B3GNT2: variants seen among roughly 807,000 people sequenced by gnomAD.
B3GNT2 encodes the protein UDP-GlcNAc:betaGal beta-1,3-N-acetylglucosaminyltransferase 2, also known as N-acetyllactosaminide beta-1,3-N-acetylglucosaminyltransferase 2.
B3GNT2 carries 12 observed loss-of-function variants against 27.6 expected under a neutral mutation model. The observed-to-expected ratio is 0.44, with a 90% CI of 0.28 to 0.71. The LOEUF is 0.71. B3GNT2 is among the 30% of genes least tolerant of loss of function. B3GNT2 has a pLI of 0.17. For synonymous variants in B3GNT2, 192 were observed against 189.7 expected (o/e 1.01, Z -0.10); for missense variants, 413 against 488.5 (o/e 0.85, Z 1.46).
chr2:62,210,580 C>CTAA (rs1223265489), intron 1 of B3GNT2, among the ~76,000 whole-genome samples: 1 of 151,694 alleles, frequency 6.6e-6, no homozygotes, highest in Non-Finnish European at 1.5e-5. Flanking sequence ...ACCATCCTGG[C>CTAA]TAATATAGCG....
At chr2:62,221,384 G>GATGC (rs1388129683) in intron 1 of B3GNT2, among the ~76,000 whole-genome samples, 15 of 152,200 alleles carry the variant, frequency 9.9e-5, no homozygotes, top group African/African-American at 3.6e-4. Flanking sequence ...CTCTGTCTGA[G>GATGC]ATGCTCTGTG....
intron 1 of B3GNT2, among the ~76,000 whole-genome samples, chr2:62,202,879 C>G (rs919487104): frequency 2.6e-5 from 4 of 152,196 alleles, no homozygotes; most frequent in African/African-American, 7.2e-5. Flanking sequence ...CCTTCTCCCC[C>G]TCATTTCACT....
At chr2:62,208,209 T>G (rs1215945822) in intron 1 of B3GNT2, among the ~76,000 whole-genome samples, 2 of 148,628 alleles carry the variant, frequency 1.3e-5, no homozygotes, top group Non-Finnish European at 1.5e-5. Flanking sequence ...TCCTCCTTCC[T>G]TCCCCCCTTC....
At chr2:62,196,934 TCCCCACC>T (rs1049587298) in intron 1 of B3GNT2, among the ~76,000 whole-genome samples, 3 of 150,238 alleles carry the variant, frequency 2.0e-5, no homozygotes, top group Admixed American at 6.6e-5. Context: ...CGGCAGCCGC[TCCCCACC>T]CCCCACCCCC....
Position 62,205,625 on chromosome 2 carries a change from C to T in B3GNT2, c.-10+9270C>T, listed in dbSNP as rs150150511. Among the ~76,000 whole-genome samples, 510 of 152,280 alleles carry T rather than the reference C, an allele frequency of 3.3e-3. 2 individuals carry two copies. The highest frequency in any genetic ancestry group is 0.013 in the South Asian group (64 of 4,822). On this transcript the variant is annotated intron_variant, in intron 1 of 1. Coordinates refer to ENST00000301998, the MANE Select transcript of B3GNT2 (RefSeq NM_006577.6). ...TGCCGCCTTGCTCTGAAGTTGCCACCCAGGGTCACACATCACTAGAAGTGT... is the reference window on the plus strand; with the variant it reads ...TGCCGCCTTGCTCTGAAGTTGCCACTCAGGGTCACACATCACTAGAAGTGT...
At chr2:62,221,506 C>A (rs1674691627) in intron 1 of B3GNT2, among the ~76,000 whole-genome samples, 1 of 151,848 alleles carries the variant, frequency 6.6e-6, no homozygotes, top group African/African-American at 2.4e-5. Context: ...AGGGTTGGGA[C>A]TAACATTAAA....
chr2:62,218,249 G>A (rs181483931), intron 1 of B3GNT2, among the ~76,000 whole-genome samples: 2 of 152,342 alleles, frequency 1.3e-5, no homozygotes, highest in East Asian at 3.9e-4. Context: ...TGTTCTAAGA[G>A]CCTACTAGAA....
At chr2:62,206,493 C>A (rs1674377031) in intron 1 of B3GNT2, among the ~76,000 whole-genome samples, 6 of 152,118 alleles carry the variant, frequency 3.9e-5, no homozygotes, top group Admixed American at 1.3e-4. Context: ...GTCCTTGATA[C>A]CTTTATCTCA....
intron 1 of B3GNT2, among the ~76,000 whole-genome samples, chr2:62,196,749 T>C (rs1674150949): frequency 6.6e-6 from 1 of 151,874 alleles, no homozygotes; most frequent in African/African-American, 2.4e-5. Flanking sequence ...GCCGGGGCGA[T>C]GCGGGCTTTG....
chr2:62,223,069 G>T lies in B3GNT2; in HGVS notation c.849G>T (p.Arg283=). The change falls in exon 2 of 2, where the codon CGG becomes CGT. Residue 283 remains arginine (R), a synonymous_variant. Transcript: ENST00000301998. ...TGATCCACAATGCTGGACCTCATCG[G>T]GATAAGAAGCTGAAGTACTACATCC... ...GDVIHNAGPH[R]DKKLKYYIPE... is the part of the protein sequence containing the mutation. The T allele has an allele frequency of 6.2e-7, 1 of 1,614,184 alleles. No individual in the cohort carries two copies. Among genetic ancestry groups the T allele is most frequent in the Non-Finnish European group, 8.5e-7 (1 of 1,180,024 alleles).
Position 62,222,928 on chromosome 2 carries a change from A to G in B3GNT2, c.708A>G (p.Pro236=), listed in dbSNP as rs753433508. The change falls in exon 2 of 2, where the codon CCA becomes CCG. Residue 236 remains proline (P), a synonymous_variant. Transcript: ENST00000301998. The surrounding 1 kb of genome is among the most constrained non-coding windows in gnomAD (Gnocchi z 4.2). The part of the protein sequence containing the change: ...LFLRWVSTSC[P]DTEFVFKGDD... ...TCAGGTGGGTAAGTACTTCCTGCCC[A>G]GACACTGAGTTTGTTTTCAAGGGCG... 1.2e-5 allele frequency: 20 copies of G among 1,614,102 alleles called. No homozygotes were observed. The African/African-American group carries it at 2.7e-4, about 22-fold the overall frequency.
chr2:62,220,710 G>T (rs1172571336), intron 1 of B3GNT2, among the ~76,000 whole-genome samples: 1 of 152,032 alleles, frequency 6.6e-6, no homozygotes, highest in African/African-American at 2.4e-5. Context: ...ATGAGTAATA[G>T]TACCTAAGGA....
At chr2:62,196,566 C>A (rs928825472) in intron 1 of B3GNT2, among the ~76,000 whole-genome samples, 1 of 152,252 alleles carries the variant, frequency 6.6e-6, no homozygotes, top group South Asian at 2.1e-4. Context: ...CGCATTTAAG[C>A]CTCCCTTACC....
At chr2:62,211,871 G>T (rs954158663) in intron 1 of B3GNT2, among the ~76,000 whole-genome samples, 1 of 152,178 alleles carries the variant, frequency 6.6e-6, no homozygotes, top group Non-Finnish European at 1.5e-5. Flanking sequence ...CTAAGGTCCT[G>T]CCTTGACCCC....
chr2:62,208,215 C>A (rs1029138529), intron 1 of B3GNT2, among the ~76,000 whole-genome samples: 2 of 131,180 alleles, frequency 1.5e-5, no homozygotes, highest in South Asian at 3.0e-4. Context: ...TTCCTTCCCC[C>A]CTTCCTTTCC....
At chr2:62,215,551 G>C (rs1477125543) in intron 1 of B3GNT2, 4 of 152,366 alleles carry the variant, frequency 2.6e-5, no homozygotes, top group Non-Finnish European at 1.5e-5. Context: ...CTCTGTCTCT[G>C]TTTATCCGAG....
intron 1 of B3GNT2, among the ~76,000 whole-genome samples, chr2:62,218,317 C>G (rs1674615641): frequency 6.6e-6 from 1 of 152,194 alleles, no homozygotes; most frequent in Non-Finnish European, 1.5e-5. Context: ...GACATTTAAC[C>G]TTGATGGAAA....
intron 1 of B3GNT2, among the ~76,000 whole-genome samples, chr2:62,220,792 T>G (rs1299444827): frequency 6.6e-6 from 1 of 152,242 alleles, no homozygotes; most frequent in Non-Finnish European, 1.5e-5. Flanking sequence ...CCCACTTTTT[T>G]GGGCTATCTT....
chr2:62,219,650 T>C (rs1412646857), intron 1 of B3GNT2, among the ~76,000 whole-genome samples: 1 of 152,120 alleles, frequency 6.6e-6, no homozygotes, highest in Non-Finnish European at 1.5e-5. Context: ...CCTTCCAGAC[T>C]AGGAAGGGCC....
Sources: gnomAD v4.1 joint callset for allele counts (sites outside exome capture counted in the v4.1 genomes callset) on GRCh38, gnomAD v4.1.1 for gene constraint, Gnocchi (gnomAD v3.1) non-coding constraint, MANE v1.5 for transcripts, NCBI Gene and HGNC (gene_info 2026-07-23, HGNC 2026-07-21) for gene names.